The following ELAPOR2 variants were observed in gnomAD, a reference collection of about 807,000 sequenced individuals.
ELAPOR2 encodes the protein endosome/lysosome-associated apoptosis and autophagy regulator family member 2.
In ELAPOR2, 89 loss-of-function variants were observed where a neutral mutation model predicts 120.7. That is an observed-to-expected ratio of 0.74 (90% confidence interval 0.62 to 0.88). The LOEUF (loss-of-function observed/expected upper bound fraction) is 0.88. Among genes scored for constraint, ELAPOR2 ranks in the 40% least tolerant of loss-of-function variants. ELAPOR2 has a pLI of 0.00. For synonymous variants in ELAPOR2, 444 were observed against 444.9 expected (o/e 1.00, Z 0.03); for missense variants, 1,134 against 1,251.6 (o/e 0.91, Z 1.42).
At chr7:86,892,327 C>A (rs1166565592) in intron 20 of ELAPOR2, among the ~76,000 whole-genome samples, 1 of 151,942 alleles carries the variant, frequency 6.6e-6, no homozygotes. Context: ...ACTATCACCC[C>A]AGATATTGCA....
chr7:86,907,629 C>A (rs753593427), intron 18 of ELAPOR2, 41 bp downstream of exon 18: 2 of 1,260,700 alleles, frequency 1.6e-6, no homozygotes, highest in East Asian at 5.2e-5. Context: ...GAGAGTTTTT[C>A]TTCCTCATGG....
chr7:87,010,256 G>A (rs977340476), intron 1 of ELAPOR2, among the ~76,000 whole-genome samples: 1 of 152,174 alleles, frequency 6.6e-6, no homozygotes, highest in African/African-American at 2.4e-5. Flanking sequence ...TTTCCAGTTG[G>A]AAATCTTTGA....
chr7:87,041,993 A>C (rs1794803673), intron 1 of ELAPOR2, among the ~76,000 whole-genome samples: 1 of 151,630 alleles, frequency 6.6e-6, no homozygotes, highest in South Asian at 2.1e-4. Context: ...TTAAACCAAC[A>C]AAGATCAAAA....
chr7:87,018,902 T>A (rs566187286), intron 1 of ELAPOR2, among the ~76,000 whole-genome samples: 126 of 152,308 alleles, frequency 8.3e-4, no homozygotes, highest in African/African-American at 3.0e-3. Flanking sequence ...ACAAGCAGTA[T>A]TCCATGTTCA....
At chr7:86,897,731 G>T in intron 18 of ELAPOR2, 99 bp from the exon 19 acceptor site, 1 of 1,337,758 alleles carries the variant, frequency 7.5e-7, no homozygotes. Context: ...ATGCTGGGGA[G>T]CACTGTGTGG....
intron 16 of ELAPOR2, 30 bp downstream of exon 16, chr7:86,909,782 G>T (rs760772426): frequency 4.0e-6 from 6 of 1,515,272 alleles, no homozygotes; most frequent in Non-Finnish European, 1.8e-6. Context: ...ATAAATGTAT[G>T]CATGCATATA....
chr7:87,020,801 GA>G (rs1267179456), intron 1 of ELAPOR2, among the ~76,000 whole-genome samples: 1 of 151,884 alleles, frequency 6.6e-6, no homozygotes, highest in Non-Finnish European at 1.5e-5. Flanking sequence ...AAATTGTAAA[GA>G]AAAAAGTAAA....
At position 86,879,695 on chromosome 7, in the gene ELAPOR2, T is replaced by C. The variant is rs1799307830; in HGVS notation, c.*776A>G. The C allele has an allele frequency of 6.6e-6, 1 of 152,220 alleles. No individual in the cohort carries two copies. The highest frequency in any genetic ancestry group is 6.5e-5 in the Admixed American group (1 of 15,268). 9.4% of individuals were successfully genotyped at this position (152,220 alleles called of 1,614,324 possible). On this transcript the variant is annotated 3_prime_UTR_variant, in exon 22 of 22. Coordinates refer to ENST00000450689, the MANE Select transcript of ELAPOR2 (RefSeq NM_001142749.3). ...TATACTTCTAGCACTACATAAACTG[T>C]TTTAAGTCATTTGACTTCTATGATA...
At chr7:86,898,102 CA>C (rs1474860079) in intron 18 of ELAPOR2, among the ~76,000 whole-genome samples, 1 of 151,980 alleles carries the variant, frequency 6.6e-6, no homozygotes, top group Non-Finnish European at 1.5e-5. Flanking sequence ...AAATGTTTAT[CA>C]ACAGATGAAT....
intron 2 of ELAPOR2, among the ~76,000 whole-genome samples, chr7:86,962,709 T>C (rs1791763216): frequency 6.6e-6 from 1 of 152,228 alleles, no homozygotes; most frequent in South Asian, 2.1e-4. Context: ...ATCCTAGTTA[T>C]CTGAGATGGC....
intron 1 of ELAPOR2, among the ~76,000 whole-genome samples, chr7:87,054,483 G>T (rs937643837): frequency 3.3e-5 from 5 of 152,186 alleles, no homozygotes; most frequent in Non-Finnish European, 7.4e-5. Context: ...GATTAGTTAC[G>T]TTAACTGCTT....
intron 19 of ELAPOR2, among the ~76,000 whole-genome samples, chr7:86,895,891 G>A (rs1788414616): frequency 6.6e-6 from 1 of 152,046 alleles, no homozygotes; most frequent in Non-Finnish European, 1.5e-5. Flanking sequence ...TAGAGTAAAG[G>A]TAAAGAAGAA....
intron 12 of ELAPOR2, among the ~76,000 whole-genome samples, chr7:86,917,807 G>GA (rs71719748): frequency 2.4e-4 from 36 of 149,898 alleles, no homozygotes; most frequent in South Asian, 6.3e-4. Context: ...AGGTCATTGG[G>GA]AAAAAAAAAC....
intron 21 of ELAPOR2, among the ~76,000 whole-genome samples, chr7:86,884,052 T>C (rs1048226237): frequency 1.3e-5 from 2 of 152,102 alleles, no homozygotes; most frequent in African/African-American, 4.8e-5. Context: ...TATAATAAAA[T>C]TTGTATGGTG....
intron 19 of ELAPOR2, 114 bp from the exon 20 acceptor site, chr7:86,893,214 TG>T: frequency 1.3e-6 from 1 of 791,122 alleles, no homozygotes. Context: ...GAAAGGGTTT[TG>T]CTAACCCTTT....
chr7:87,011,431 T>G (rs572140076), intron 1 of ELAPOR2, among the ~76,000 whole-genome samples: 1 of 152,316 alleles, frequency 6.6e-6, no homozygotes, highest in South Asian at 2.1e-4. Context: ...CTAATACTAC[T>G]GAATGCTCTG....
In ELAPOR2 at chr7:87,020,555, G is replaced by A. The variant is rs567650735; in HGVS notation, c.189+38770C>T. Among the ~76,000 whole-genome samples the A allele has an allele frequency of 5.3e-5, 8 of 152,154 alleles. No individual in the cohort carries two copies. In the East Asian group the frequency reaches 1.3e-3, roughly 26 times the overall value. ...TTCCAGAATTACATTTATATGTAACGTCCAGAATAGATAAATCACATAAAA... is the reference window on the plus strand; with the variant it reads ...TTCCAGAATTACATTTATATGTAACATCCAGAATAGATAAATCACATAAAA... On this transcript the variant is annotated intron_variant, in intron 1 of 21. Coordinates refer to ENST00000450689, the MANE Select transcript of ELAPOR2 (RefSeq NM_001142749.3).
At chr7:86,900,547 C>G (rs1788670969) in intron 18 of ELAPOR2, among the ~76,000 whole-genome samples, 1 of 152,086 alleles carries the variant, frequency 6.6e-6, no homozygotes, top group South Asian at 2.1e-4. Flanking sequence ...AAAAAAAAAT[C>G]ACGACACTGA....
rs796801849 is a variant in ELAPOR2, at chr7:86,905,126, G to GGAAA, written c.2558+2540_2558+2543dup. ...AGGAAGGAAGGAAGGAAGGAAGGAAGGAAAGAAAGAAAAGAAAAGAAAGAA... is the reference window on the plus strand; with the variant it reads ...AGGAAGGAAGGAAGGAAGGAAGGAAGGAAAGAAAGAAAGAAAAGAAAAGAAAGAA... On this transcript the variant is annotated intron_variant, in intron 18 of 21. Transcript: ENST00000450689. 9.8e-4 allele frequency among the ~76,000 whole-genome samples: 112 copies of GGAAA among 114,754 alleles called. 1 individual carries two copies. The highest frequency in any genetic ancestry group is 1.4e-3 in the Non-Finnish European group (79 of 55,594). 75.3% of individuals were successfully genotyped at this position (114,754 alleles called of 152,430 possible).
Sources: allele counts gnomAD v4.1 joint callset (sites outside exome capture counted in the v4.1 genomes callset), GRCh38; gene constraint gnomAD v4.1.1; transcripts MANE v1.5; gene names NCBI Gene and HGNC (gene_info 2026-07-23, HGNC 2026-07-21).